SLC4A2: variants seen among roughly 807,000 people sequenced by gnomAD.
SLC4A2 encodes anion exchange protein 2.
A neutral mutation model predicts 115.0 loss-of-function variants in SLC4A2; 36 were observed. That is an observed-to-expected ratio of 0.31 (90% CI 0.24 to 0.41). The LOEUF is 0.41. Among genes scored for constraint, SLC4A2 ranks in the 10% least tolerant of loss-of-function variants. The pLI is 1.00. For synonymous variants in SLC4A2, 708 were observed against 708.3 expected, an observed-to-expected ratio of 1.00 and a Z score of 0.01; for missense variants, 1,252 against 1,705.6, an observed-to-expected ratio of 0.73 and a Z score of 4.68.
intron 8 of SLC4A2, among the ~76,000 whole-genome samples, 192 bp downstream of exon 8, chr7:151,068,246 G>A (rs1207196193): frequency 6.6e-6 from 1 of 152,254 alleles, no homozygotes; most frequent in Non-Finnish European, 1.5e-5. Context: ...TGAAGCCGAT[G>A]TGTTTTGGTT....
intron 2 of SLC4A2, chr7:151,062,603 C>T: frequency 2.7e-6 from 4 of 1,502,434 alleles, no homozygotes; most frequent in Non-Finnish European, 3.5e-6. Context: ...ACAGGCTGGT[C>T]CCCTCCCCCT....
intron 8 of SLC4A2, among the ~76,000 whole-genome samples, chr7:151,068,921 C>T (rs559297472): frequency 6.6e-6 from 1 of 151,366 alleles, no homozygotes; most frequent in African/African-American, 2.4e-5. Context: ...GGGTGGATTA[C>T]GAGGTCAGGA....
Position 151,071,339 on chromosome 7 carries a change from G to C in SLC4A2, c.1975+42G>C, listed in dbSNP as rs1027267621. On this transcript the variant is annotated intron_variant, in intron 13 of 22. Coordinates refer to ENST00000413384, the MANE Select transcript of SLC4A2 (RefSeq NM_003040.4). The surrounding 1 kb of genome is among the most constrained non-coding windows in gnomAD (Gnocchi z 5.5). ...CTGGGGCCAGGGCTGCCTCGAGGGG[G>C]TGAGGTGGGCAAGAGGGGCTGGGGC... 1.3e-5 allele frequency: 20 copies of C among 1,546,810 alleles called. No individual in the cohort carries two copies. Among genetic ancestry groups the C allele is most frequent in the Admixed American group, 1.9e-5 (1 of 52,416 alleles).
Position 151,062,009 on chromosome 7 carries a change from C to T in SLC4A2, c.22C>T (p.Pro8Ser), listed in dbSNP as rs777005488. The T allele has an allele frequency of 2.5e-6, 4 of 1,610,436 alleles. No homozygotes were observed. In the Admixed American group the frequency reaches 5.0e-5, roughly 20 times the overall value. MSSAPRR[P>S]AKGADSFCTP... ...GGCCATGAGCAGCGCCCCTCGGCGCCCCGCCAAGGGCGCAGATTCTTTCTG... is the reference window on the plus strand; with the variant it reads ...GGCCATGAGCAGCGCCCCTCGGCGCTCCGCCAAGGGCGCAGATTCTTTCTG... Residue 8 changes from proline to serine, a missense_variant, in exon 2 of 23, where the codon CCC becomes TCC. Pro to Ser is a moderately conservative substitution (Grantham distance 74). Transcript: ENST00000413384.
At position 151,071,330 on chromosome 7, in the gene SLC4A2, C is replaced by A. The variant is rs964516478; in HGVS notation, c.1975+33C>A. 2.6e-6 allele frequency: 4 copies of A among 1,542,966 alleles called. No individual in the cohort carries two copies. In the African/African-American group the frequency reaches 5.5e-5, roughly 21 times the overall value. On this transcript the variant is annotated intron_variant, in intron 13 of 22. Coordinates refer to ENST00000413384, the MANE Select transcript of SLC4A2 (RefSeq NM_003040.4). This position sits in a 1 kb window ranked among gnomAD's most constrained non-coding sequence, Gnocchi z 5.5. ...CAGGGCGGGCTGGGGCCAGGGCTGC[C>A]TCGAGGGGGTGAGGTGGGCAAGAGG...
rs377596270 is a variant in SLC4A2 at position 151,070,147 on chromosome 7, C to T, written c.1284-34C>T. Reference sequence around the variant, plus strand: ...CACCTGCCCTGGCCCTTGTCATTGACCCTCCTTTGCCTCACTGCCCTCTGC... The same window carrying T: ...CACCTGCCCTGGCCCTTGTCATTGATCCTCCTTTGCCTCACTGCCCTCTGC... On this transcript the variant is annotated intron_variant, in intron 9 of 22. Transcript: ENST00000413384. 4.0e-5 allele frequency: 64 copies of T among 1,613,906 alleles called. No homozygotes were observed. In the African/African-American group the frequency reaches 6.1e-4, roughly 15 times the overall value.
intron 16 of SLC4A2, among the ~76,000 whole-genome samples, chr7:151,072,833 G>A (rs183190828): frequency 1.6e-4 from 25 of 151,562 alleles, no homozygotes; most frequent in Middle Eastern, 3.4e-3. Flanking sequence ...TAAATTTTTT[G>A]TATTTTTTTA....
In SLC4A2 at chr7:151,068,994, C is replaced by T. The variant is rs373888237; in HGVS notation, c.1147+940C>T. Among the ~76,000 whole-genome samples, 15 of 151,638 alleles carry T rather than the reference C, an allele frequency of 9.9e-5. No homozygotes were observed. In the East Asian group the frequency reaches 1.6e-3, roughly 16 times the overall value. ...CTCTACTAAAAATACAAAAAATTAG[C>T]GGGGCACGGTGGCAGGTGCCTGTAG... On this transcript the variant is annotated intron_variant, in intron 8 of 22. Transcript: ENST00000413384.
intron 1 of SLC4A2, chr7:151,061,563 C>T (rs566320865): frequency 1.1e-5 from 2 of 183,290 alleles, no homozygotes; most frequent in East Asian, 2.7e-4. Flanking sequence ...TCTGCCTGGG[C>T]CTTCACTCCC....
intron 5 of SLC4A2, among the ~76,000 whole-genome samples, chr7:151,065,372 G>A (rs1034073713): frequency 3.9e-5 from 6 of 152,158 alleles, no homozygotes; most frequent in Non-Finnish European, 8.8e-5. Flanking sequence ...AGGCCCCAGG[G>A]TTCAAGAGGC....
Position 151,076,522 on chromosome 7 carries a change from C to T in SLC4A2, c.*155C>T, listed in dbSNP as rs920470597. The T allele has an allele frequency of 8.3e-6, 6 of 722,462 alleles. No individual in the cohort carries two copies. The highest frequency in any genetic ancestry group is 3.4e-5 in the Admixed American group (1 of 29,772). The allele number at this position is 722,462 out of a possible 1,614,324, so 44.8% of individuals were successfully genotyped here. A position where few individuals can be genotyped will look rare whatever the true frequency, so the allele number is the denominator to read the frequency against. Reference sequence around the variant, plus strand: ...CCCTGCAGTAAAGTGCTTTGGCCCCCACCTATCTGTGGCCTTTTGTCTTTG... The same window carrying T: ...CCCTGCAGTAAAGTGCTTTGGCCCCTACCTATCTGTGGCCTTTTGTCTTTG... On this transcript the variant is annotated 3_prime_UTR_variant, in exon 23 of 23. Coordinates refer to ENST00000413384, the MANE Select transcript of SLC4A2 (RefSeq NM_003040.4).
At chr7:151,070,152 C>A (rs1219426961) in intron 9 of SLC4A2, 29 bp from the exon 10 acceptor site, 1 of 1,614,108 alleles carries the variant, frequency 6.2e-7, no homozygotes. Context: ...ATTGACCCTC[C>A]TTTGCCTCAC....
chr7:151,076,512 C>A lies in SLC4A2; in HGVS notation c.*145C>A. 1.4e-6 allele frequency: 1 copy of A among 739,750 alleles called. No individual in the cohort carries two copies. Among genetic ancestry groups the A allele is most frequent in the Non-Finnish European group, 2.1e-6 (1 of 479,056 alleles). The allele number at this position is 739,750 out of a possible 1,614,324, so 45.8% of individuals were successfully genotyped here. On this transcript the variant is annotated 3_prime_UTR_variant, in exon 23 of 23. Coordinates refer to ENST00000413384, the MANE Select transcript of SLC4A2 (RefSeq NM_003040.4). ...CCCCCACTGCCCCTGCAGTAAAGTG[C>A]TTTGGCCCCCACCTATCTGTGGCCT...
rs542660938 is a variant in SLC4A2 at position 151,075,018 on chromosome 7, A to G, written c.3047+177A>G. On this transcript the variant is annotated intron_variant, in intron 19 of 22. Transcript: ENST00000413384. ...GAAAAACCCCGATGTTTGCTGGGAC[A>G]GGAACAGCACGTGGAGGGGCAGGCC... is the stretch of plus-strand genomic sequence containing the variant. 46 of 878,340 alleles carry G rather than the reference A, an allele frequency of 5.2e-5. No homozygotes were observed. In the African/African-American group the frequency reaches 7.3e-4, roughly 14 times the overall value. The allele number at this position is 878,340 out of a possible 1,614,324, so 54.4% of individuals were successfully genotyped here.
In SLC4A2 at chr7:151,075,417, C is replaced by T; in HGVS notation, c.3210C>T (p.Val1070=). ...TCACTCACGCCAACGCGCTCACTGT[C>T]ATGAGCAAGGCTGTGGCACCTGGGG... ...RSVTHANALT[V]MSKAVAPGDK... is the part of the protein sequence containing the mutation. The change falls in exon 20 of 23, where the codon GTC becomes GTT. Residue 1070 remains valine (V), a synonymous_variant. Transcript: ENST00000413384. 5 of 1,608,012 alleles carry T rather than the reference C, an allele frequency of 3.1e-6. No individual in the cohort carries two copies. The highest frequency in any genetic ancestry group is 4.2e-6 in the Non-Finnish European group (5 of 1,179,998).
In SLC4A2 at chr7:151,075,631, GCTCCGGCAGATCCC is replaced by G. The variant is rs1797601333; in HGVS notation, c.3329_3342del (p.Leu1110ProfsTer17). 6.3e-7 allele frequency: 1 copy of G among 1,599,498 alleles called. No individual in the cohort carries two copies. The highest frequency in any genetic ancestry group is 8.5e-7 in the Non-Finnish European group (1 of 1,175,724). ...GCCTCTCCATAGTTATCGGGGATCT[GCTCCGGCAGATCCC>G]CCTGGCCGTGCTCTTTGGAATTTTC... On this transcript the variant is annotated frameshift_variant, in exon 21 of 23. Transcript: ENST00000413384. LOFTEE classifies it high-confidence loss of function.
At chr7:151,075,576 G>A (rs376736754) in intron 20 of SLC4A2, 30 bp from the exon 21 acceptor site, 73 of 1,585,538 alleles carry the variant, frequency 4.6e-5, no homozygotes, top group Non-Finnish European at 6.2e-5. Flanking sequence ...GGGACCCCGG[G>A]GCCAACTCTT....
intron 18 of SLC4A2, 70 bp from the exon 19 acceptor site, chr7:151,074,605 C>T (rs566232800): frequency 1.3e-6 from 2 of 1,570,202 alleles, no homozygotes; most frequent in Admixed American, 3.5e-5. Flanking sequence ...CTTAAGATGC[C>T]ATCCCCTTTC....
chr7:151,074,233 CA>C lies in SLC4A2; in HGVS notation c.2731del (p.Thr911ProfsTer24). The C allele has an allele frequency of 6.2e-7, 1 of 1,612,734 alleles. No homozygotes were observed. Among genetic ancestry groups the C allele is most frequent in the Non-Finnish European group, 8.5e-7 (1 of 1,179,908 alleles). ...ALLSLVLMAG[T>X]FFIAFFLRKF... ...TGCTGTCGCTGGTGCTCATGGCCGG[CA>C]CCTTCTTCATCGCCTTCTTCCTGCG... On this transcript the variant is annotated frameshift_variant, in exon 17 of 23. Coordinates refer to ENST00000413384, the MANE Select transcript of SLC4A2 (RefSeq NM_003040.4). LOFTEE classifies it high-confidence loss of function.
Sources: gnomAD v4.1 joint callset for allele counts (sites outside exome capture counted in the v4.1 genomes callset) on GRCh38, gnomAD v4.1.1 for gene constraint, Gnocchi (gnomAD v3.1) non-coding constraint, MANE v1.5 for transcripts, NCBI Gene and HGNC (gene_info 2026-07-23, HGNC 2026-07-21) for gene names.